Variants in PRDM16 observed in about 807,000 individuals in gnomAD.
PRDM16 encodes the protein histone-lysine N-methyltransferase PRDM16.
A neutral mutation model predicts 110.6 loss-of-function variants in PRDM16; 23 were observed. That is an observed-to-expected ratio of 0.21 (90% CI 0.15 to 0.29). PRDM16 has a LOEUF of 0.29. Among genes scored for constraint, PRDM16 ranks in the 10% least tolerant of loss-of-function variants. PRDM16 has a pLI of 1.00. For missense variants in PRDM16, 1,615 were observed against 1,794.3 expected, an observed-to-expected ratio of 0.90 and a Z score of 1.81; for synonymous variants, 799 against 781.8, an observed-to-expected ratio of 1.02 and a Z score of -0.37.
intron 3 of PRDM16, among the ~76,000 whole-genome samples, chr1:3,302,617 C>A (rs1641230238): frequency 6.6e-6 from 1 of 152,234 alleles, no homozygotes; most frequent in Admixed American, 6.5e-5. Flanking sequence ...CTGAACCAAG[C>A]TGCCCTAAGA....
At chr1:3,140,228 G>A (rs563822138) in intron 1 of PRDM16, among the ~76,000 whole-genome samples, 6 of 152,350 alleles carry the variant, frequency 3.9e-5, no homozygotes, top group South Asian at 4.1e-4. Context: ...TTAGGAACCT[G>A]GTTTTTATTA....
intron 3 of PRDM16, among the ~76,000 whole-genome samples, chr1:3,366,518 G>A (rs1451678112): frequency 3.3e-5 from 5 of 152,226 alleles, no homozygotes; most frequent in African/African-American, 7.2e-5. Context: ...CCGGGGGCCA[G>A]TGTGGCTTAA....
intron 1 of PRDM16, among the ~76,000 whole-genome samples, chr1:3,072,437 G>A (rs767927518): frequency 2.0e-5 from 3 of 152,180 alleles, no homozygotes; most frequent in Non-Finnish European, 2.9e-5. Flanking sequence ...AGGGCTGGGG[G>A]AGTGTCCTCT....
intron 8 of PRDM16, among the ~76,000 whole-genome samples, chr1:3,408,756 ACACGTGAGAGTGCATGAG>A (rs1643609266): frequency 8.2e-6 from 1 of 122,666 alleles, no homozygotes; most frequent in African/African-American, 3.3e-5. Flanking sequence ...ATGTGTTGGC[ACACGTGAGAGTGCATGAG>A]TGTGGGCGCG....
chr1:3,253,319 T>G (rs1047306402), intron 3 of PRDM16, among the ~76,000 whole-genome samples: 10 of 151,068 alleles, frequency 6.6e-5, no homozygotes, highest in Non-Finnish European at 1.3e-4. Flanking sequence ...AACTCGTCAT[T>G]TAGCATTAGG....
intron 1 of PRDM16, among the ~76,000 whole-genome samples, chr1:3,107,893 G>C (rs1432531683): frequency 6.6e-6 from 1 of 152,258 alleles, no homozygotes; most frequent in Non-Finnish European, 1.5e-5. Context: ...CCTGGGGCTG[G>C]GCTTTCCTGG....
At chr1:3,229,399 A>G (rs964005660) in intron 2 of PRDM16, among the ~76,000 whole-genome samples, 1 of 150,548 alleles carries the variant, frequency 6.6e-6, no homozygotes, top group Admixed American at 6.6e-5. Flanking sequence ...TGGGAAGCAC[A>G]TTCACCCCCA....
intron 1 of PRDM16, among the ~76,000 whole-genome samples, chr1:3,114,387 C>T (rs566390645): frequency 8.7e-4 from 120 of 138,518 alleles, no homozygotes; most frequent in East Asian, 2.6e-3. Flanking sequence ...TGTAAACAGA[C>T]GCGCACGCAC....
At chr1:3,082,931 C>T (rs1488758538) in intron 1 of PRDM16, among the ~76,000 whole-genome samples, 3 of 152,306 alleles carry the variant, frequency 2.0e-5, no homozygotes, top group South Asian at 2.1e-4. Context: ...GGATGCTCGG[C>T]CCTCCTGACA....
chr1:3,431,886 G>C (rs1638778891), intron 15 of PRDM16, 80 bp from the exon 16 acceptor site: 1 of 1,452,884 alleles, frequency 6.9e-7, no homozygotes, highest in Non-Finnish European at 9.5e-7. Flanking sequence ...CAGGCCCGGA[G>C]CTGGGCTTGC....
rs575764259 is a variant in PRDM16 at position 3,081,041 on chromosome 1, C to T, written c.37+11745C>T. ...CAGAGAGTAAGGGAGCTCAGAGAAT[C>T]GGGGGGCAGATAGCGTAGCCACGAG... On this transcript the variant is annotated intron_variant, in intron 1 of 16. Coordinates refer to ENST00000270722, the MANE Select transcript of PRDM16 (RefSeq NM_022114.4). This position sits in a 1 kb window ranked among gnomAD's most constrained non-coding sequence, Gnocchi z 4.6. Among the ~76,000 whole-genome samples the T allele has an allele frequency of 8.8e-4, 134 of 152,140 alleles. No homozygotes were observed. The highest frequency in any genetic ancestry group is 3.0e-3 in the African/African-American group (125 of 41,480).
chr1:3,314,839 G>A (rs1641561536), intron 3 of PRDM16, among the ~76,000 whole-genome samples: 1 of 152,138 alleles, frequency 6.6e-6, no homozygotes, highest in African/African-American at 2.4e-5. Flanking sequence ...AGGAAACGGG[G>A]AGTTTATTTC....
At chr1:3,187,202 G>T (rs753591446) in intron 2 of PRDM16, among the ~76,000 whole-genome samples, 1 of 152,170 alleles carries the variant, frequency 6.6e-6, no homozygotes. Flanking sequence ...GTCCTAGGGG[G>T]ACTAACAGCC....
chr1:3,340,087 G>A (rs979479143), intron 3 of PRDM16, among the ~76,000 whole-genome samples: 3 of 152,196 alleles, frequency 2.0e-5, no homozygotes, highest in Admixed American at 6.5e-5. Context: ...CCATCCTCTG[G>A]AATCTGCTGT....
chr1:3,227,279 A>G (rs571331690), intron 2 of PRDM16, among the ~76,000 whole-genome samples: 13 of 152,312 alleles, frequency 8.5e-5, no homozygotes, highest in Non-Finnish European at 1.5e-4. Context: ...TCTGAAGAAA[A>G]ATGAAGCCCT....
At chr1:3,405,671 C>T (rs372181792) in intron 8 of PRDM16, 23 bp downstream of exon 8, 11 of 1,548,046 alleles carry the variant, frequency 7.1e-6, no homozygotes, top group Non-Finnish European at 8.7e-6. Flanking sequence ...CCAGCCTGGC[C>T]GCCTGCCCTC....
intron 1 of PRDM16, among the ~76,000 whole-genome samples, chr1:3,160,136 A>G (rs947627358): frequency 2.0e-5 from 3 of 152,238 alleles, no homozygotes; most frequent in African/African-American, 7.2e-5. Context: ...TCCCGCAGCC[A>G]GAGGCCTTGC....
At chr1:3,267,217 CTCTT>C (rs1279807065) in intron 3 of PRDM16, among the ~76,000 whole-genome samples, 4 of 152,218 alleles carry the variant, frequency 2.6e-5, no homozygotes, top group Non-Finnish European at 4.4e-5. Flanking sequence ...TCTGTCTTCT[CTCTT>C]TCTGCATCTG....
rs1638612698 is a variant in PRDM16 at position 3,201,035 on chromosome 1, G to C, written c.387+14561G>C. 6.6e-6 allele frequency among the ~76,000 whole-genome samples: 1 copy of C among 152,106 alleles called. No individual in the cohort carries two copies. Among genetic ancestry groups the C allele is most frequent in the Non-Finnish European group, 1.5e-5 (1 of 68,028 alleles). On this transcript the variant is annotated intron_variant, in intron 2 of 16. Coordinates refer to ENST00000270722, the MANE Select transcript of PRDM16 (RefSeq NM_022114.4). The surrounding 1 kb of genome is among the most constrained non-coding windows in gnomAD (Gnocchi z 4.1). ...GACAGCTGAGAGCTGTGAGTCCAGG[G>C]TCAACCCTTAGCCGGAGTGGGGACT...
Sources: gnomAD v4.1 joint callset for allele counts (sites outside exome capture counted in the v4.1 genomes callset) on GRCh38, gnomAD v4.1.1 for gene constraint, Gnocchi (gnomAD v3.1) non-coding constraint, MANE v1.5 for transcripts, NCBI Gene and HGNC (gene_info 2026-07-23, HGNC 2026-07-21) for gene names.